The following KCNB2 variants were observed in gnomAD, a reference collection of about 807,000 sequenced individuals.
KCNB2 encodes potassium voltage-gated channel subfamily B member 2.
Under a neutral mutation model 61.5 loss-of-function variants are expected in KCNB2, and 15 were observed. The ratio of observed to expected loss-of-function variants is 0.24; its 90% CI spans 0.16 to 0.38. The LOEUF (loss-of-function observed/expected upper bound fraction) is 0.38. KCNB2 is among the 10% of genes least tolerant of loss of function. The pLI is 1.00. For synonymous variants in KCNB2, 457 were observed against 446.0 expected (o/e 1.02, Z -0.31); for missense variants, 828 against 1,125.2 (o/e 0.74, Z 3.78).
At chr8:72,663,654 A>G (rs1230871380) in intron 2 of KCNB2, among the ~76,000 whole-genome samples, 1 of 152,200 alleles carries the variant, frequency 6.6e-6, no homozygotes, top group Non-Finnish European at 1.5e-5. Context: ...GTCTGGAACA[A>G]TGAAAAGTCA....
chr8:72,814,296 A>G lies in KCNB2; in HGVS notation c.580-121639A>G, dbSNP rs1008299635. ...TTTGGAGCTATTGTGAATATCTTGT[A>G]CCGCTTATAAGCATTCTTGTTCATG... On this transcript the variant is annotated intron_variant, in intron 2 of 2. Coordinates refer to ENST00000523207, the MANE Select transcript of KCNB2 (RefSeq NM_004770.3). Among the ~76,000 whole-genome samples the G allele has an allele frequency of 3.3e-5, 5 of 152,296 alleles. 1 individual carries two copies.
intron 2 of KCNB2, among the ~76,000 whole-genome samples, chr8:72,645,480 T>C (rs1272218208): frequency 6.6e-6 from 1 of 152,164 alleles, no homozygotes; most frequent in Admixed American, 6.6e-5. Flanking sequence ...ACAAAGCTGC[T>C]GTCTTCCTGT....
intron 2 of KCNB2, among the ~76,000 whole-genome samples, chr8:72,781,327 C>G (rs1808751231): frequency 6.6e-6 from 1 of 151,998 alleles, no homozygotes. Context: ...AGATTTTATT[C>G]TAGGGTTTTT....
chr8:72,556,574 T>C (rs1806429066), intron 1 of KCNB2, among the ~76,000 whole-genome samples: 1 of 152,152 alleles, frequency 6.6e-6, no homozygotes, highest in Non-Finnish European at 1.5e-5. Flanking sequence ...ATAGAAATAA[T>C]ATCTAATAAT....
chr8:72,916,086 A>G (rs1397791486), intron 2 of KCNB2, among the ~76,000 whole-genome samples: 2 of 152,276 alleles, frequency 1.3e-5, no homozygotes, highest in East Asian at 1.9e-4. Context: ...GTCTCAGGAG[A>G]CCATTTCTAA....
At chr8:72,601,221 T>G (rs911710501) in intron 2 of KCNB2, among the ~76,000 whole-genome samples, 18 of 152,202 alleles carry the variant, frequency 1.2e-4, no homozygotes, top group African/African-American at 4.3e-4. Flanking sequence ...CTTTCACCAT[T>G]TGTGTTTATA....
chr8:72,719,984 T>C (rs570676554), intron 2 of KCNB2, among the ~76,000 whole-genome samples: 3 of 152,352 alleles, frequency 2.0e-5, no homozygotes, highest in Admixed American at 2.0e-4. Context: ...GCATTCATGA[T>C]GGTGCTCCTT....
intron 2 of KCNB2, among the ~76,000 whole-genome samples, chr8:72,840,009 C>G (rs888369295): frequency 1.3e-5 from 2 of 151,912 alleles, no homozygotes; most frequent in Non-Finnish European, 2.9e-5. Flanking sequence ...TTGCTGCACT[C>G]ATCAACCCAT....
At chr8:72,785,891 A>T (rs1808838411) in intron 2 of KCNB2, among the ~76,000 whole-genome samples, 1 of 152,076 alleles carries the variant, frequency 6.6e-6, no homozygotes, top group Non-Finnish European at 1.5e-5. Context: ...ATATTTAATG[A>T]TATATTTCCC....
chr8:72,666,552 T>G (rs2128987788), intron 2 of KCNB2, among the ~76,000 whole-genome samples: 1 of 152,312 alleles, frequency 6.6e-6, no homozygotes, highest in South Asian at 2.1e-4. Flanking sequence ...AATGAAAGGT[T>G]TAGGAAGCAG....
At chr8:72,723,312 C>T (rs536092031) in intron 2 of KCNB2, among the ~76,000 whole-genome samples, 1 of 152,274 alleles carries the variant, frequency 6.6e-6, no homozygotes, top group South Asian at 2.1e-4. Context: ...CTTATTTGAA[C>T]TAAAACATAT....
intron 2 of KCNB2, among the ~76,000 whole-genome samples, chr8:72,585,895 A>G (rs1251274715): frequency 6.6e-6 from 1 of 152,268 alleles, no homozygotes; most frequent in Non-Finnish European, 1.5e-5. Context: ...CAAAAGAAAA[A>G]GGAAACTGGC....
chr8:72,871,934 A>G (rs1805625311), intron 2 of KCNB2, among the ~76,000 whole-genome samples: 1 of 152,252 alleles, frequency 6.6e-6, no homozygotes, highest in African/African-American at 2.4e-5. Flanking sequence ...GATTCTTGCT[A>G]GTATGAATGG....
chr8:72,627,184 C>T (rs1267218965), intron 2 of KCNB2, among the ~76,000 whole-genome samples: 1 of 152,156 alleles, frequency 6.6e-6, no homozygotes, highest in Admixed American at 6.5e-5. Context: ...ATAAGTTTAT[C>T]TCACTCATTC....
At position 72,732,262 on chromosome 8, in the gene KCNB2, G is replaced by T. The variant is rs920471; in HGVS notation, c.579+163949G>T. Among the ~76,000 whole-genome samples, 795 of 152,296 alleles carry T rather than the reference G, an allele frequency of 5.2e-3. 14 individuals are homozygous for T. The highest frequency in any genetic ancestry group is 0.03 in the Admixed American group (452 of 15,288). The stretch of plus-strand genomic sequence containing the variant: ...CTAGCTGCAGGTCTTTAGTTGGAAG[G>T]TGCTACTCCTTAGCTAGAACCTGTG... On this transcript the variant is annotated intron_variant, in intron 2 of 2. Coordinates refer to ENST00000523207, the MANE Select transcript of KCNB2 (RefSeq NM_004770.3).
chr8:72,539,621 C>T (rs557212934), intron 1 of KCNB2, among the ~76,000 whole-genome samples: 3 of 152,230 alleles, frequency 2.0e-5, no homozygotes, highest in South Asian at 4.1e-4. Flanking sequence ...CCACACGTAT[C>T]GACTCCAGAA....
At chr8:72,790,018 T>A (rs1340527057) in intron 2 of KCNB2, among the ~76,000 whole-genome samples, 1 of 152,104 alleles carries the variant, frequency 6.6e-6, no homozygotes, top group Non-Finnish European at 1.5e-5. Flanking sequence ...GGGTGAAATA[T>A]GATGCTCAGA....
At chr8:72,539,687 CCT>C (rs1397858402) in intron 1 of KCNB2, among the ~76,000 whole-genome samples, 3 of 152,160 alleles carry the variant, frequency 2.0e-5, no homozygotes, top group East Asian at 3.8e-4. Context: ...TTTTCTATTG[CCT>C]CTCTTTTCTT....
intron 2 of KCNB2, among the ~76,000 whole-genome samples, chr8:72,588,400 A>G (rs1350064964): frequency 6.6e-6 from 1 of 151,752 alleles, no homozygotes; most frequent in Non-Finnish European, 1.5e-5. Flanking sequence ...TATTTTTAGT[A>G]GAGACGGGGT....
Sources: allele counts gnomAD v4.1 joint callset (sites outside exome capture counted in the v4.1 genomes callset), GRCh38; gene constraint gnomAD v4.1.1; transcripts MANE v1.5; gene names NCBI Gene and HGNC (gene_info 2026-07-23, HGNC 2026-07-21).